EIF3H: variants seen among roughly 807,000 people sequenced by gnomAD.
EIF3H encodes eukaryotic translation initiation factor 3 subunit H, also known as eIF-3-gamma.
In EIF3H, 26 loss-of-function variants were observed where a neutral mutation model predicts 44.2. That is an observed-to-expected ratio of 0.59 (90% confidence interval 0.43 to 0.82). The LOEUF is 0.82. EIF3H is among the 40% of genes least tolerant of loss of function. EIF3H has a pLI of 0.00. For missense variants in EIF3H, 359 were observed against 432.8 expected, an observed-to-expected ratio of 0.83 and a Z score of 1.51; for synonymous variants, 166 against 151.9, an observed-to-expected ratio of 1.09 and a Z score of -0.68.
chr8:116,689,587 A>T (rs1217448894), intron 2 of EIF3H, among the ~76,000 whole-genome samples: 4 of 152,208 alleles, frequency 2.6e-5, no homozygotes, highest in African/African-American at 9.6e-5. Flanking sequence ...GAATGCAGAA[A>T]CAGGTTTCAT....
intron 1 of EIF3H, among the ~76,000 whole-genome samples, chr8:116,764,081 A>C (rs1222990431): frequency 6.6e-6 from 1 of 152,236 alleles, no homozygotes. Context: ...AATGAAGAAC[A>C]TAAAAAATAA....
intron 7 of EIF3H, among the ~76,000 whole-genome samples, chr8:116,645,763 T>C (rs1813285640): frequency 6.6e-6 from 1 of 152,176 alleles, no homozygotes; most frequent in African/African-American, 2.4e-5. Context: ...CACTAGAAAA[T>C]GTTAAGGAAT....
chr8:116,761,913 C>A (rs1343497419), intron 1 of EIF3H, among the ~76,000 whole-genome samples: 1 of 152,192 alleles, frequency 6.6e-6, no homozygotes. Flanking sequence ...GCAGCTGGGG[C>A]TCTTCATATT....
At chr8:116,675,409 G>A (rs1204086401) in intron 2 of EIF3H, among the ~76,000 whole-genome samples, 2 of 152,100 alleles carry the variant, frequency 1.3e-5, no homozygotes, top group Non-Finnish European at 1.5e-5. Context: ...TTTTGTTGTG[G>A]AGGACTATCC....
At chr8:116,760,118 G>C (rs1057249153), upstream of EIF3H, among the ~76,000 whole-genome samples, 10 of 152,224 alleles carry the variant, frequency 6.6e-5, no homozygotes, top group Admixed American at 2.0e-4. Context: ...AAGTGAAGCA[G>C]CATAAAGACT....
chr8:116,686,344 G>A (rs968745570), intron 2 of EIF3H, among the ~76,000 whole-genome samples: 3 of 152,102 alleles, frequency 2.0e-5, no homozygotes, highest in Non-Finnish European at 4.4e-5. Flanking sequence ...AATGAGTTTT[G>A]TGTGTCTGTG....
chr8:116,742,892 A>G (rs1289835268), intron 1 of EIF3H, among the ~76,000 whole-genome samples: 1 of 152,188 alleles, frequency 6.6e-6, no homozygotes, highest in Non-Finnish European at 1.5e-5. Context: ...GCTGTGTTTA[A>G]ACAGGTTTAA....
chr8:116,690,110 C>CGTAT (rs1323759208), intron 2 of EIF3H, among the ~76,000 whole-genome samples: 1 of 152,174 alleles, frequency 6.6e-6, no homozygotes, highest in Non-Finnish European at 1.5e-5. Context: ...GGTCCTTCTC[C>CGTAT]ATACTGGCTC....
chr8:116,723,624 T>C (rs1468910240), intron 2 of EIF3H, among the ~76,000 whole-genome samples: 5 of 152,202 alleles, frequency 3.3e-5, no homozygotes, highest in African/African-American at 1.2e-4. Flanking sequence ...CAAGGTACTA[T>C]GAAGGTGTGT....
intron 1 of EIF3H, among the ~76,000 whole-genome samples, chr8:116,739,592 G>A (rs554942792): frequency 1.3e-5 from 2 of 152,354 alleles, no homozygotes; most frequent in South Asian, 2.1e-4. Context: ...GGAGCTTGCA[G>A]TGAGCCGAGA....
intron 2 of EIF3H, among the ~76,000 whole-genome samples, chr8:116,706,627 C>G (rs1202991097): frequency 6.6e-6 from 1 of 152,150 alleles, no homozygotes; most frequent in South Asian, 2.1e-4. Context: ...CTCCATTTCC[C>G]GGTTTCAAGA....
chr8:116,657,955 C>T (rs1813520497), intron 3 of EIF3H, among the ~76,000 whole-genome samples: 1 of 152,204 alleles, frequency 6.6e-6, no homozygotes, highest in Non-Finnish European at 1.5e-5. Flanking sequence ...CGCCTAAAAC[C>T]TGTGTTAACA....
chr8:116,653,593 G>A (rs1159515717), intron 5 of EIF3H, among the ~76,000 whole-genome samples: 4 of 152,080 alleles, frequency 2.6e-5, no homozygotes, highest in Non-Finnish European at 2.9e-5. Context: ...AGGACATGAA[G>A]TGTTAAGTCT....
At chr8:116,679,257 C>T (rs1813919490) in intron 2 of EIF3H, among the ~76,000 whole-genome samples, 1 of 52,294 alleles carries the variant, frequency 1.9e-5, no homozygotes, top group African/African-American at 5.5e-5. Flanking sequence ...AGTGAGGAGC[C>T]CCTCTGCCCG....
At chr8:116,748,241 A>G (rs1815271716) in intron 1 of EIF3H, among the ~76,000 whole-genome samples, 1 of 152,140 alleles carries the variant, frequency 6.6e-6, no homozygotes, top group Non-Finnish European at 1.5e-5. Context: ...TTGAATAACC[A>G]TCAGGTAGGT....
intron 2 of EIF3H, 67 bp from the exon 3 acceptor site, chr8:116,659,047 A>T: frequency 7.1e-7 from 1 of 1,409,940 alleles, no homozygotes; most frequent in South Asian, 1.5e-5. Context: ...ATCAAAAACA[A>T]GCCGTTTTGG....
intron 2 of EIF3H, among the ~76,000 whole-genome samples, chr8:116,713,225 T>A (rs1328979614): frequency 6.6e-6 from 1 of 152,146 alleles, no homozygotes; most frequent in African/African-American, 2.4e-5. Context: ...AAGCACTGTA[T>A]CCACCTGTAA....
At chr8:116,689,976 A>AT (rs1490975371) in intron 2 of EIF3H, among the ~76,000 whole-genome samples, 3 of 152,202 alleles carry the variant, frequency 2.0e-5, no homozygotes, top group African/African-American at 7.2e-5. Context: ...CCTCCCATAT[A>AT]TAATAACATA....
chr8:116,760,206 A>G (rs547763173), upstream of EIF3H, among the ~76,000 whole-genome samples: 17 of 152,332 alleles, frequency 1.1e-4, no homozygotes, highest in Non-Finnish European at 1.8e-4. Context: ...GGCTACCACT[A>G]TAATCTCAAG....
Sources: gnomAD v4.1 joint callset for allele counts (sites outside exome capture counted in the v4.1 genomes callset) on GRCh38, gnomAD v4.1.1 for gene constraint, MANE v1.5 for transcripts, NCBI Gene and HGNC (gene_info 2026-07-23, HGNC 2026-07-21) for gene names.